The following STUM variants were observed in gnomAD, a reference collection of about 807,000 sequenced individuals.
STUM encodes protein stum homolog.
A neutral mutation model predicts 15.3 loss-of-function variants in STUM; 8 were observed. That is an observed-to-expected ratio of 0.52 (90% CI 0.31 to 0.94). The LOEUF is 0.94. STUM is among the 40% of genes least tolerant of loss of function. The pLI, the probability that STUM is intolerant of heterozygous loss-of-function variation, is 0.05. For missense variants in STUM, 142 were observed against 204.9 expected (o/e 0.69, Z 1.87); for synonymous variants, 78 against 88.7 (o/e 0.88, Z 0.68).
chr1:226,591,977 G>A (rs996005236), intron 1 of STUM, among the ~76,000 whole-genome samples: 4 of 152,016 alleles, frequency 2.6e-5, no homozygotes, highest in Admixed American at 2.6e-4. Flanking sequence ...ACACAGGGAT[G>A]GGAAGGAGTG....
intron 1 of STUM, among the ~76,000 whole-genome samples, chr1:226,559,203 C>G (rs1209553117): frequency 6.6e-6 from 1 of 152,190 alleles, no homozygotes; most frequent in African/African-American, 2.4e-5. Flanking sequence ...CAGCTCTGGT[C>G]TCTGTTGTGT....
At chr1:226,551,839 G>T (rs751137617) in intron 1 of STUM, among the ~76,000 whole-genome samples, 52 of 152,272 alleles carry the variant, frequency 3.4e-4, no homozygotes, top group Non-Finnish European at 6.5e-4. Flanking sequence ...TCCTGGGGGC[G>T]AAGGAAGGGG....
chr1:226,560,537 G>A (rs1667523227), intron 1 of STUM, among the ~76,000 whole-genome samples: 2 of 152,184 alleles, frequency 1.3e-5, no homozygotes, highest in Non-Finnish European at 2.9e-5. Context: ...CATTCTCAAT[G>A]AAAATGGAAT....
intron 1 of STUM, among the ~76,000 whole-genome samples, chr1:226,591,965 T>TG (rs1279333249): frequency 6.6e-6 from 1 of 151,998 alleles, no homozygotes; most frequent in Admixed American, 6.6e-5. Flanking sequence ...CTTCCATAAA[T>TG]GACACAGGGA....
At chr1:226,555,990 C>A (rs1025076415) in intron 1 of STUM, among the ~76,000 whole-genome samples, 17 of 152,256 alleles carry the variant, frequency 1.1e-4, no homozygotes, top group African/African-American at 4.1e-4. Flanking sequence ...TCAATATGAA[C>A]ATTATTCATA....
intron 1 of STUM, among the ~76,000 whole-genome samples, chr1:226,551,781 A>G (rs903144245): frequency 6.6e-6 from 1 of 152,226 alleles, no homozygotes; most frequent in African/African-American, 2.4e-5. Context: ...TCTGAATTTG[A>G]TAAGTGCTAG....
At chr1:226,601,900 A>C (rs1668274219) in intron 3 of STUM, 106 bp from the exon 4 acceptor site, 3 of 864,336 alleles carry the variant, frequency 3.5e-6, no homozygotes, top group South Asian at 2.8e-5. Context: ...TTTACACCTT[A>C]GTATAAACAA....
rs61708964 is a variant in STUM at position 226,559,973 on chromosome 1, CAA to C, written c.202+10882_202+10883del. ...TGGGCAACAGAGCAAGACTCCGTCTCAAAAAAAAAAAAAAAATTAGCCAGGTA... is the reference window on the plus strand; with the variant it reads ...TGGGCAACAGAGCAAGACTCCGTCTCAAAAAAAAAAAAAATTAGCCAGGTA... On this transcript the variant is annotated intron_variant, in intron 1 of 3. Transcript: ENST00000366788. Among the ~76,000 whole-genome samples the C allele has an allele frequency of 4.8e-3, 683 of 141,208 alleles. 4 individuals carry two copies. Among genetic ancestry groups the C allele is most frequent in the Admixed American group, 5.6e-3 (81 of 14,472 alleles). The allele number at this position is 141,208 out of a possible 152,430, so 92.6% of individuals were successfully genotyped here.
chr1:226,564,367 G>A (rs1667587274), intron 1 of STUM, among the ~76,000 whole-genome samples: 1 of 152,190 alleles, frequency 6.6e-6, no homozygotes, highest in Admixed American at 6.5e-5. Context: ...GAGTGGGTGA[G>A]TGGCTTTGTC....
At chr1:226,581,053 A>G (rs890880366) in intron 1 of STUM, among the ~76,000 whole-genome samples, 3 of 152,222 alleles carry the variant, frequency 2.0e-5, no homozygotes, top group African/African-American at 7.2e-5. Flanking sequence ...GGTTACCGCC[A>G]TGTCTTCTTT....
At chr1:226,575,764 A>G (rs1667798419) in intron 1 of STUM, among the ~76,000 whole-genome samples, 1 of 152,214 alleles carries the variant, frequency 6.6e-6, no homozygotes. Context: ...CCTGCAGTGG[A>G]TAGTCTGAAC....
rs570458277 is a variant in STUM at position 226,588,035 on chromosome 1, C to T, written c.203-8767C>T. 2.1e-4 allele frequency among the ~76,000 whole-genome samples: 32 copies of T among 152,212 alleles called. 1 individual carries two copies. In the South Asian group the frequency reaches 6.4e-3, roughly 31 times the overall value. On this transcript the variant is annotated intron_variant, in intron 1 of 3. Transcript: ENST00000366788. Reference sequence around the variant, plus strand: ...CTTTGCTGCTCCAGGATAGAGGCATCGAGGGCACTGGCAGATTCATTCTGC... The same window carrying T: ...CTTTGCTGCTCCAGGATAGAGGCATTGAGGGCACTGGCAGATTCATTCTGC...
At chr1:226,596,748 G>T in intron 1 of STUM, 54 bp from the exon 2 acceptor site, 1 of 1,524,352 alleles carries the variant, frequency 6.6e-7, no homozygotes, top group East Asian at 2.3e-5. Flanking sequence ...TGAGCACACA[G>T]ACCCCTTTGT....
intron 1 of STUM, among the ~76,000 whole-genome samples, chr1:226,553,371 G>A (rs1667399642): frequency 6.6e-6 from 1 of 152,090 alleles, no homozygotes; most frequent in Admixed American, 6.5e-5. Context: ...AAAACAGAAA[G>A]CAATTAGTAA....
rs1668248121 is a variant in STUM, at chr1:226,600,568, T to C, written c.383-98T>C. 3 of 1,451,136 alleles carry C rather than the reference T, an allele frequency of 2.1e-6. No homozygotes were observed. Among genetic ancestry groups the C allele is most frequent in the Non-Finnish European group, 2.9e-6 (3 of 1,042,920 alleles). 89.9% of individuals were successfully genotyped at this position (1,451,136 alleles called of 1,614,324 possible). ...CTCACCATGGATCTGCTTTGTTTCC[T>C]GTGCCAAGCGTTCCCTGTGGCTCTG... On this transcript the variant is annotated intron_variant, in intron 2 of 3. Transcript: ENST00000366788. This position sits in a 1 kb window ranked among gnomAD's most constrained non-coding sequence, Gnocchi z 5.2.
chr1:226,578,023 A>T (rs1667848360), intron 1 of STUM, among the ~76,000 whole-genome samples: 1 of 152,018 alleles, frequency 6.6e-6, no homozygotes, highest in African/African-American at 2.4e-5. Flanking sequence ...TTGTGATGAG[A>T]TAGTATCATG....
In STUM at chr1:226,552,609, C is replaced by T. The variant is rs1231095262; in HGVS notation, c.202+3503C>T. ...GGAAAGTCGAAGGGAGGAGGACCTC[C>T]ATTGACCTTTAACCACTCCATTGGA... On this transcript the variant is annotated intron_variant, in intron 1 of 3. Coordinates refer to ENST00000366788, the MANE Select transcript of STUM (RefSeq NM_001003665.4). This position sits in a 1 kb window ranked among gnomAD's most constrained non-coding sequence, Gnocchi z 4.7. Among the ~76,000 whole-genome samples the T allele has an allele frequency of 6.6e-6, 1 of 152,158 alleles. No individual in the cohort carries two copies. Among genetic ancestry groups the T allele is most frequent in the East Asian group, 1.9e-4 (1 of 5,196 alleles).
At chr1:226,582,159 G>T (rs1667928398) in intron 1 of STUM, among the ~76,000 whole-genome samples, 2 of 152,234 alleles carry the variant, frequency 1.3e-5, no homozygotes, top group African/African-American at 2.4e-5. Context: ...TGCTGCTGCT[G>T]TGCCGGCCCC....
intron 1 of STUM, among the ~76,000 whole-genome samples, chr1:226,595,203 T>C (rs1373377021): frequency 6.6e-6 from 1 of 152,060 alleles, no homozygotes; most frequent in African/African-American, 2.4e-5. Context: ...GAACCTGCAG[T>C]GTGACGTGTA....
Sources: gnomAD v4.1 joint callset for allele counts (sites outside exome capture counted in the v4.1 genomes callset) on GRCh38, gnomAD v4.1.1 for gene constraint, Gnocchi (gnomAD v3.1) non-coding constraint, MANE v1.5 for transcripts, NCBI Gene and HGNC (gene_info 2026-07-23, HGNC 2026-07-21) for gene names.